The following PDE9A variants were observed in gnomAD, a reference collection of about 807,000 sequenced individuals.
PDE9A encodes high affinity cGMP-specific 3',5'-cyclic phosphodiesterase 9A.
In PDE9A, 60 loss-of-function variants were observed where a neutral mutation model predicts 87.4. That is an observed-to-expected ratio of 0.69 (90% confidence interval 0.56 to 0.85). The LOEUF (loss-of-function observed/expected upper bound fraction) is 0.85, where lower values mean the gene tolerates loss of function less well. Among genes scored for constraint, PDE9A ranks in the 40% least tolerant of loss-of-function variants. The probability of loss-of-function intolerance (pLI) is 0.00; values close to 1 mark genes in which losing one functional copy is unlikely to be tolerated. For synonymous variants in PDE9A, 272 were observed against 279.4 expected (o/e 0.97, Z 0.27); for missense variants, 665 against 779.0 (o/e 0.85, Z 1.74).
intron 1 of PDE9A, among the ~76,000 whole-genome samples, chr21:42,670,775 T>C (rs1201083309): frequency 2.7e-5 from 4 of 148,898 alleles, no homozygotes; most frequent in African/African-American, 5.2e-5. Flanking sequence ...GCACATACAC[T>C]CTGACACACA....
At position 42,670,387 on chromosome 21, in the gene PDE9A, T is replaced by C. The variant is rs1427136170; in HGVS notation, c.70-15805T>C. On this transcript the variant is annotated intron_variant, in intron 1 of 19. Coordinates refer to ENST00000291539, the MANE Select transcript of PDE9A (RefSeq NM_002606.3). The stretch of plus-strand genomic sequence containing the variant: ...ACACACATTCACACACATTCACATT[T>C]ACATTCACAAACATTCACACATACA... Among the ~76,000 whole-genome samples, 529 of 107,020 alleles carry C rather than the reference T, an allele frequency of 4.9e-3. 5 individuals carry two copies. Among genetic ancestry groups the C allele is most frequent in the African/African-American group, 0.028 (492 of 17,366 alleles). The allele number at this position is 107,020 out of a possible 152,430, so 70.2% of individuals were successfully genotyped here. A position where few individuals can be genotyped will look rare whatever the true frequency, so the allele number is the denominator to read the frequency against.
chr21:42,742,825 T>A (rs2053457678), intron 7 of PDE9A, among the ~76,000 whole-genome samples: 1 of 152,058 alleles, frequency 6.6e-6, no homozygotes, highest in Non-Finnish European at 1.5e-5. Flanking sequence ...GACGAGCCAG[T>A]TTATCTATCT....
chr21:42,743,956 G>A (rs1293152202), intron 8 of PDE9A, 96 bp downstream of exon 8: 4 of 756,156 alleles, frequency 5.3e-6, no homozygotes, highest in African/African-American at 5.2e-5. Context: ...CTAAAAGAAA[G>A]GCTGGTGCAG....
intron 1 of PDE9A, among the ~76,000 whole-genome samples, chr21:42,666,685 T>A (rs1020886090): frequency 1.3e-5 from 2 of 152,156 alleles, no homozygotes; most frequent in African/African-American, 4.8e-5. Context: ...CATGTCTGTG[T>A]CCTCGGCGCC....
chr21:42,674,340 G>T (rs1346774070), intron 1 of PDE9A, among the ~76,000 whole-genome samples: 1 of 130,978 alleles, frequency 7.6e-6, no homozygotes, highest in Non-Finnish European at 1.6e-5. Flanking sequence ...TTTTGAGACA[G>T]GGTCTCCATT....
At chr21:42,670,568 A>T (rs970934814) in intron 1 of PDE9A, among the ~76,000 whole-genome samples, 7 of 150,070 alleles carry the variant, frequency 4.7e-5, no homozygotes, top group African/African-American at 1.5e-4. Context: ...ATTCACACAT[A>T]CACACACCAC....
At chr21:42,687,843 C>T (rs1569148429) in intron 2 of PDE9A, 74 bp from the exon 3 acceptor site, 2 of 1,279,766 alleles carry the variant, frequency 1.6e-6, no homozygotes, top group East Asian at 2.3e-5. Context: ...AGGGCTCTGG[C>T]CCCATGTGTA....
chr21:42,715,411 G>A (rs1020020047), intron 4 of PDE9A, among the ~76,000 whole-genome samples: 1 of 152,086 alleles, frequency 6.6e-6, no homozygotes, highest in Non-Finnish European at 1.5e-5. Flanking sequence ...CAGATCACTG[G>A]AGGTCAGGAG....
At chr21:42,708,349 C>T in intron 4 of PDE9A, among the ~76,000 whole-genome samples, 1 of 152,124 alleles carries the variant, frequency 6.6e-6, no homozygotes, top group East Asian at 1.9e-4. Flanking sequence ...ATGGAAGTGT[C>T]CTGACGGCAG....
chr21:42,670,276 C>CAA (rs1569117190), intron 1 of PDE9A, among the ~76,000 whole-genome samples: 1 of 150,360 alleles, frequency 6.7e-6, no homozygotes, highest in Non-Finnish European at 1.5e-5. Flanking sequence ...CATATTCACA[C>CAA]ATTCACACAT....
At chr21:42,716,753 T>G (rs2049963910) in intron 4 of PDE9A, among the ~76,000 whole-genome samples, 1 of 130,036 alleles carries the variant, frequency 7.7e-6, no homozygotes, top group Non-Finnish European at 1.6e-5. Context: ...TTTCCTTTTT[T>G]TTTTTTTTTT....
At position 42,754,013 on chromosome 21, in the gene PDE9A, C is replaced by A; in HGVS notation, c.759C>A (p.Ile253=). Residue 253 remains isoleucine, a synonymous_variant, in exon 10 of 20, where the codon ATC becomes ATA. Coordinates refer to ENST00000291539, the MANE Select transcript of PDE9A (RefSeq NM_002606.3). ...YPKYLLSPET[I]EALRKPTFDV... is the part of the protein sequence containing the mutation. The stretch of plus-strand genomic sequence containing the variant: ...AGTACCTGCTCTCTCCAGAGACCAT[C>A]GAGGCCCTGCGGAAGCCGACCTTTG... 1 of 1,613,122 alleles carries A rather than the reference C, an allele frequency of 6.2e-7. No individual in the cohort carries two copies. The highest frequency in any genetic ancestry group is 8.5e-7 in the Non-Finnish European group (1 of 1,179,286).
chr21:42,661,771 G>T (rs1351361772), intron 1 of PDE9A, among the ~76,000 whole-genome samples: 2 of 152,226 alleles, frequency 1.3e-5, no homozygotes, highest in Non-Finnish European at 2.9e-5. Context: ...AGTTCCCGAA[G>T]GCCTCTCCAC....
intron 4 of PDE9A, among the ~76,000 whole-genome samples, chr21:42,721,183 A>G (rs1426667846): frequency 6.6e-6 from 1 of 152,124 alleles, no homozygotes; most frequent in African/African-American, 2.4e-5. Context: ...CTGCAAACTA[A>G]TCCTAAGGAA....
intron 4 of PDE9A, among the ~76,000 whole-genome samples, chr21:42,726,709 C>T (rs2051154497): frequency 1.4e-5 from 2 of 142,182 alleles, no homozygotes; most frequent in African/African-American, 2.7e-5. Flanking sequence ...AATCCTCCAA[C>T]CTCGACCTCC....
At chr21:42,657,800 G>T (rs2057196920) in intron 1 of PDE9A, among the ~76,000 whole-genome samples, 1 of 152,216 alleles carries the variant, frequency 6.6e-6, no homozygotes, top group African/African-American at 2.4e-5. Flanking sequence ...TGACCTGGCG[G>T]CCCCCTCGGG....
intron 1 of PDE9A, among the ~76,000 whole-genome samples, chr21:42,668,344 C>T (rs1196284986): frequency 1.3e-5 from 2 of 152,136 alleles, no homozygotes; most frequent in East Asian, 1.9e-4. Flanking sequence ...GACAGAGGCC[C>T]TGGGAGAAGT....
At position 42,704,968 on chromosome 21, in the gene PDE9A, G is replaced by A. The variant is rs780138021; in HGVS notation, c.262+5957G>A. On this transcript the variant is annotated intron_variant, in intron 4 of 19. Transcript: ENST00000291539. This position sits in a 1 kb window ranked among gnomAD's most constrained non-coding sequence, Gnocchi z 5.3. ...TAAAGAGAAGAGTATTATCAAAAAC[G>A]TGACTTTTCATAGAAAAGGGAGAAT... Among the ~76,000 whole-genome samples the A allele has an allele frequency of 3.3e-5, 5 of 152,212 alleles. No homozygotes were observed. The highest frequency in any genetic ancestry group is 7.2e-5 in the African/African-American group (3 of 41,450).
intron 4 of PDE9A, among the ~76,000 whole-genome samples, chr21:42,717,900 G>GGTTTGTTT (rs113315019): frequency 0.012 from 1,815 of 150,888 alleles, 52 homozygotes; most frequent in African/African-American, 0.041. Flanking sequence ...CTTTCTTTGG[G>GGTTTGTTT]GTTTGTTTGT....
Sources: gnomAD v4.1 joint callset for allele counts (sites outside exome capture counted in the v4.1 genomes callset) on GRCh38, gnomAD v4.1.1 for gene constraint, Gnocchi (gnomAD v3.1) non-coding constraint, MANE v1.5 for transcripts, NCBI Gene and HGNC (gene_info 2026-07-23, HGNC 2026-07-21) for gene names.